Variants in TOP2A observed in about 807,000 individuals in gnomAD.
TOP2A encodes the protein DNA topoisomerase II alpha, also known as DNA topoisomerase 2-alpha.
A neutral mutation model predicts 187.2 loss-of-function variants in TOP2A; 68 were observed. The ratio of observed to expected loss-of-function variants is 0.36; its 90% confidence interval spans 0.30 to 0.44. The LOEUF (loss-of-function observed/expected upper bound fraction) is 0.44, where lower values mean the gene tolerates loss of function less well. Among genes scored for constraint, TOP2A ranks in the 20% least tolerant of loss-of-function variants. The probability of loss-of-function intolerance (pLI) is 1.00; values close to 1 mark genes in which losing one functional copy is unlikely to be tolerated. For synonymous variants in TOP2A, 542 were observed against 593.2 expected (o/e 0.91, Z 1.25); for missense variants, 1,196 against 1,808.7 (o/e 0.66, Z 6.14).
chr17:40,404,486 G>A lies in TOP2A; in HGVS notation c.2052C>T (p.Tyr684=). 6.3e-7 allele frequency: 1 copy of A among 1,586,302 alleles called. No homozygotes were observed. Among genetic ancestry groups the A allele is most frequent in the East Asian group, 2.2e-5 (1 of 44,728 alleles). ...QRKLLGLPED[Y]LYGQTTTYLT... is the part of the protein sequence containing the mutation. ...GATATGTGGTAGTTTGTCCATACAAGTAATCCTGAAGGACCAAATAGTATT... is the reference window on the plus strand; with the variant it reads ...GATATGTGGTAGTTTGTCCATACAAATAATCCTGAAGGACCAAATAGTATT... Residue 684 remains tyrosine, a synonymous_variant, in exon 18 of 35, where the codon TAC becomes TAT. Coordinates refer to ENST00000423485, the MANE Select transcript of TOP2A (RefSeq NM_001067.4).
rs1598613069 is a variant in TOP2A at position 40,401,509 on chromosome 17, A to G, written c.2433-428T>C. ...CAGATCACCTGAGGTCAGGAGTTCA[A>G]GACCAACCTGGCCAACATGGTGAAA... On this transcript the variant is annotated intron_variant, in intron 20 of 34. Coordinates refer to ENST00000423485, the MANE Select transcript of TOP2A (RefSeq NM_001067.4). Among the ~76,000 whole-genome samples the G allele has an allele frequency of 2.0e-5, 3 of 152,156 alleles. No homozygotes were observed. The South Asian group carries it at 6.2e-4, about 32-fold the overall frequency.
At chr17:40,412,195 AAAAG>A (rs1164859693) in intron 7 of TOP2A, among the ~76,000 whole-genome samples, 3 of 152,166 alleles carry the variant, frequency 2.0e-5, no homozygotes, top group African/African-American at 7.2e-5. Context: ...GGTTATCAAG[AAAAG>A]AAAGAAAAAG....
chr17:40,398,756 T>A lies in TOP2A; in HGVS notation c.3453+17A>T, dbSNP rs1457151478. 1.2e-6 allele frequency: 2 copies of A among 1,607,522 alleles called. No homozygotes were observed. The highest frequency in any genetic ancestry group is 2.7e-5 in the African/African-American group (2 of 74,410). On this transcript the variant is annotated intron_variant, in intron 26 of 34. Transcript: ENST00000423485. Reference sequence around the variant, plus strand: ...GAACAAAACTAAGCAGCATGTACCATCCTACTATCAACTCACTTTTTCATT... The same window carrying A: ...GAACAAAACTAAGCAGCATGTACCAACCTACTATCAACTCACTTTTTCATT...
intron 10 of TOP2A, chr17:40,408,998 C>T (rs1014923659): frequency 2.3e-5 from 9 of 395,710 alleles, no homozygotes; most frequent in Admixed American, 3.4e-5. Context: ...AGTTTGAGAC[C>T]GGCCTGGCCA....
At position 40,389,388 on chromosome 17, in the gene TOP2A, A is replaced by C; in HGVS notation, c.*131T>G. ...CTAAAGAACACTTGGGCTTTACTTC[A>C]CTTTGATGTCTTGTACTAAAAACAC... On this transcript the variant is annotated 3_prime_UTR_variant, in exon 35 of 35. Coordinates refer to ENST00000423485, the MANE Select transcript of TOP2A (RefSeq NM_001067.4). 2 of 1,021,634 alleles carry C rather than the reference A, an allele frequency of 2.0e-6. No individual in the cohort carries two copies. Among genetic ancestry groups the C allele is most frequent in the South Asian group, 1.8e-5 (1 of 55,644 alleles). 63.3% of individuals were successfully genotyped at this position (1,021,634 alleles called of 1,614,324 possible). A position where few individuals can be genotyped will look rare whatever the true frequency, so the allele number is the denominator to read the frequency against.
chr17:40,398,067 C>T (rs1053064862), intron 27 of TOP2A, among the ~76,000 whole-genome samples: 12 of 151,042 alleles, frequency 7.9e-5, no homozygotes, highest in East Asian at 7.8e-4. Context: ...TGTGAGCCAC[C>T]GCACCCGGCC....
intron 29 of TOP2A, among the ~76,000 whole-genome samples, 158 bp from the exon 30 acceptor site, chr17:40,392,895 G>A (rs1416244677): frequency 1.3e-5 from 2 of 152,152 alleles, no homozygotes; most frequent in African/African-American, 2.4e-5. Flanking sequence ...GGTGCATATA[G>A]CTTGGTCACT....
intron 16 of TOP2A, among the ~76,000 whole-genome samples, chr17:40,405,088 C>T (rs180759707): frequency 6.6e-6 from 1 of 151,222 alleles, no homozygotes; most frequent in Admixed American, 6.6e-5. Context: ...GTCCTAGGTT[C>T]AAGCGATTCT....
chr17:40,394,027 C>T (rs2035059059), intron 29 of TOP2A, among the ~76,000 whole-genome samples: 1 of 144,824 alleles, frequency 6.9e-6, no homozygotes, highest in East Asian at 2.0e-4. Context: ...CTACTGCATA[C>T]TGCATGCCAG....
chr17:40,401,154 A>T (rs1197173307), intron 20 of TOP2A, 73 bp from the exon 21 acceptor site: 16 of 1,290,800 alleles, frequency 1.2e-5, no homozygotes, highest in Non-Finnish European at 1.7e-5. Context: ...TGGAAAGGAC[A>T]TGTATTATAC....
At chr17:40,403,126 T>A in intron 19 of TOP2A, 72 bp from the exon 20 acceptor site, 2 of 1,375,828 alleles carry the variant, frequency 1.5e-6, no homozygotes, top group South Asian at 2.9e-5. Context: ...AACCTCACTA[T>A]AATCCTGTAA....
At chr17:40,398,664 T>A in intron 26 of TOP2A, 23 bp from the exon 27 acceptor site, 11 of 1,604,062 alleles carry the variant, frequency 6.9e-6, no homozygotes, top group Non-Finnish European at 9.4e-6. Flanking sequence ...ATTACAAAAT[T>A]GAGTTAATAT....
At chr17:40,393,562 A>G (rs1376960636) in intron 29 of TOP2A, among the ~76,000 whole-genome samples, 1 of 152,174 alleles carries the variant, frequency 6.6e-6, no homozygotes, top group Non-Finnish European at 1.5e-5. Flanking sequence ...TTGAGACTCC[A>G]TACATAAACC....
At chr17:40,404,677 A>T in intron 17 of TOP2A, 114 bp downstream of exon 17, 1 of 795,830 alleles carries the variant, frequency 1.3e-6, no homozygotes, top group Non-Finnish European at 2.1e-6. Context: ...GCACAACTCT[A>T]TCATATCAAA....
chr17:40,401,673 C>A (rs955471771), intron 20 of TOP2A, among the ~76,000 whole-genome samples: 1 of 152,030 alleles, frequency 6.6e-6, no homozygotes, highest in African/African-American at 2.4e-5. Flanking sequence ...TGCGCCACTG[C>A]ACTCCAGCCT....
intron 10 of TOP2A, chr17:40,409,308 G>T: frequency 2.3e-5 from 8 of 345,590 alleles, no homozygotes; most frequent in South Asian, 1.7e-4. Flanking sequence ...CCTGGGAGGC[G>T]CGGGTTGCAG....
intron 3 of TOP2A, 63 bp from the exon 4 acceptor site, chr17:40,416,131 T>C: frequency 7.9e-7 from 1 of 1,270,420 alleles, no homozygotes. Flanking sequence ...TCTGTAACTC[T>C]AAGTAAGATA....
chr17:40,409,408 A>G, intron 10 of TOP2A: 1 of 424,152 alleles, frequency 2.4e-6, no homozygotes. Flanking sequence ...AAATAAAATT[A>G]GACACAAATA....
At chr17:40,417,172 A>G (rs2035401011) in intron 1 of TOP2A, among the ~76,000 whole-genome samples, 1 of 152,170 alleles carries the variant, frequency 6.6e-6, no homozygotes, top group African/African-American at 2.4e-5. Context: ...TCAATAAAAT[A>G]CACCCACTTC....
Sources: allele counts gnomAD v4.1 joint callset (sites outside exome capture counted in the v4.1 genomes callset), GRCh38; gene constraint gnomAD v4.1.1; transcripts MANE v1.5; gene names NCBI Gene and HGNC (gene_info 2026-07-23, HGNC 2026-07-21).